TMEM132C: variants seen among roughly 807,000 people sequenced by gnomAD.
TMEM132C encodes the protein protein phosphatase 1, regulatory subunit 152.
A neutral mutation model predicts 61.4 loss-of-function variants in TMEM132C; 29 were observed. The ratio of observed to expected loss-of-function variants is 0.47; its 90% CI spans 0.35 to 0.64. The LOEUF (loss-of-function observed/expected upper bound fraction) is 0.64, where lower values mean the gene tolerates loss of function less well. TMEM132C is among the 30% of genes least tolerant of loss of function. The pLI, the probability that TMEM132C is intolerant of heterozygous loss-of-function variation, is 0.00. For missense variants in TMEM132C, 1,408 were observed against 1,476.9 expected, an observed-to-expected ratio of 0.95 and a Z score of 0.76; for synonymous variants, 656 against 633.1, an observed-to-expected ratio of 1.04 and a Z score of -0.54.
At position 128,498,354 on chromosome 12, in the gene TMEM132C, C is replaced by T. The variant is rs141137607; in HGVS notation, c.975-45603C>T. On this transcript the variant is annotated intron_variant, in intron 2 of 8. Coordinates refer to ENST00000435159, the MANE Select transcript of TMEM132C (RefSeq NM_001136103.3). The stretch of plus-strand genomic sequence containing the variant: ...GAAGAAGTAAAACTGTCTCTATGTG[C>T]CAATGACGTGATGTTCTATATAAAA... Among the ~76,000 whole-genome samples the T allele has an allele frequency of 8.5e-4, 127 of 149,506 alleles. 1 individual carries two copies. The highest frequency in any genetic ancestry group is 2.9e-3 in the African/African-American group (119 of 40,864).
At chr12:128,329,972 A>G (rs767506833) in intron 1 of TMEM132C, among the ~76,000 whole-genome samples, 2 of 152,216 alleles carry the variant, frequency 1.3e-5, no homozygotes, top group East Asian at 3.9e-4. Flanking sequence ...CCATGTGTAC[A>G]TGTGTATTTC....
chr12:128,622,343 C>CAA (rs71069584), intron 4 of TMEM132C, among the ~76,000 whole-genome samples: 399 of 16,042 alleles, frequency 0.025, 56 homozygotes, highest in East Asian at 0.13. Context: ...GACTTTGTCT[C>CAA]AAAAAAAAAA....
intron 2 of TMEM132C, among the ~76,000 whole-genome samples, chr12:128,455,832 G>A (rs943617468): frequency 2.0e-5 from 3 of 152,190 alleles, no homozygotes; most frequent in Admixed American, 6.5e-5. Flanking sequence ...GAGCCCGGGG[G>A]TAGATTGGCT....
At chr12:128,281,982 T>G (rs1482694202) in intron 1 of TMEM132C, among the ~76,000 whole-genome samples, 8 of 152,246 alleles carry the variant, frequency 5.3e-5, no homozygotes, top group Admixed American at 5.2e-4. Context: ...TCTTTCCTCC[T>G]GAGGCTGACA....
intron 2 of TMEM132C, among the ~76,000 whole-genome samples, chr12:128,452,215 C>A (rs2136058789): frequency 1.3e-5 from 2 of 152,088 alleles, no homozygotes; most frequent in South Asian, 4.2e-4. Flanking sequence ...TCACCTCAGG[C>A]TCCCGAGTAA....
At chr12:128,378,318 A>T (rs977920329) in intron 1 of TMEM132C, among the ~76,000 whole-genome samples, 1 of 151,858 alleles carries the variant, frequency 6.6e-6, no homozygotes, top group Non-Finnish European at 1.5e-5. Flanking sequence ...GGGTTTGACC[A>T]TGTTAGCCAG....
intron 5 of TMEM132C, among the ~76,000 whole-genome samples, chr12:128,690,464 G>A (rs1954711453): frequency 6.6e-6 from 1 of 152,132 alleles, no homozygotes. Context: ...GCTCTATCAT[G>A]CACGGCTACT....
intron 1 of TMEM132C, among the ~76,000 whole-genome samples, chr12:128,310,282 C>T (rs142108922): frequency 0.012 from 1,829 of 152,214 alleles, 41 homozygotes; most frequent in African/African-American, 0.042. Flanking sequence ...GGATTGGTGG[C>T]TACCAGAGGC....
rs1351844484 is a variant in TMEM132C at position 128,512,137 on chromosome 12, A to T, written c.975-31820A>T. On this transcript the variant is annotated intron_variant, in intron 2 of 8. Coordinates refer to ENST00000435159, the MANE Select transcript of TMEM132C (RefSeq NM_001136103.3). The stretch of plus-strand genomic sequence containing the variant: ...ATGTCATTATTCCTTAGAAAGCAAA[A>T]TAAAGCTCAAAAATCATAACAATTA... Among the ~76,000 whole-genome samples, 42 of 152,164 alleles carry T rather than the reference A, an allele frequency of 2.8e-4. 1 individual carries two copies. Among genetic ancestry groups the T allele is most frequent in the Admixed American group, 2.7e-3 (42 of 15,282 alleles).
intron 3 of TMEM132C, among the ~76,000 whole-genome samples, chr12:128,597,949 G>A (rs75805448): frequency 0.057 from 8,616 of 152,246 alleles, 845 homozygotes; most frequent in African/African-American, 0.2. Flanking sequence ...TAGCTGGAGC[G>A]TAGTGATCAA....
chr12:128,576,834 T>C (rs926470324), intron 3 of TMEM132C, among the ~76,000 whole-genome samples: 4 of 152,238 alleles, frequency 2.6e-5, no homozygotes, highest in African/African-American at 9.6e-5. Flanking sequence ...ATCTTTTTCA[T>C]TTTGCTGGCA....
At chr12:128,505,169 G>A (rs749997974) in intron 2 of TMEM132C, among the ~76,000 whole-genome samples, 11 of 152,126 alleles carry the variant, frequency 7.2e-5, no homozygotes, top group Non-Finnish European at 1.6e-4. Context: ...GAAGGAGATG[G>A]TTGGCTCCCA....
chr12:128,642,810 G>T (rs560139426), intron 4 of TMEM132C, among the ~76,000 whole-genome samples: 1 of 152,200 alleles, frequency 6.6e-6, no homozygotes, highest in Non-Finnish European at 1.5e-5. Flanking sequence ...GGCACAGAAC[G>T]GTTAAGTAAT....
intron 5 of TMEM132C, among the ~76,000 whole-genome samples, chr12:128,680,039 G>A (rs1289506395): frequency 1.3e-5 from 2 of 152,158 alleles, no homozygotes; most frequent in African/African-American, 4.8e-5. Flanking sequence ...AGGAACAAAA[G>A]AACAGCCAGG....
chr12:128,470,470 C>T (rs946730714), intron 2 of TMEM132C, among the ~76,000 whole-genome samples: 3 of 152,276 alleles, frequency 2.0e-5, no homozygotes, highest in African/African-American at 7.2e-5. Context: ...ACCTCTCGGT[C>T]TTGGTAGGAG....
intron 1 of TMEM132C, among the ~76,000 whole-genome samples, chr12:128,368,785 C>T (rs986095666): frequency 2.6e-5 from 4 of 152,162 alleles, no homozygotes; most frequent in Non-Finnish European, 4.4e-5. Flanking sequence ...CAAGCACTGC[C>T]AGCCCATTCC....
At chr12:128,636,499 C>A (rs1435078219) in intron 4 of TMEM132C, among the ~76,000 whole-genome samples, 1 of 152,060 alleles carries the variant, frequency 6.6e-6, no homozygotes, top group African/African-American at 2.4e-5. Context: ...GAAGACCCGT[C>A]ACCTCCCAAA....
chr12:128,529,573 C>G (rs1305542831), intron 2 of TMEM132C, among the ~76,000 whole-genome samples: 2 of 152,132 alleles, frequency 1.3e-5, no homozygotes, highest in African/African-American at 2.4e-5. Flanking sequence ...CACCTGAGGT[C>G]AGGAGTTTGA....
At chr12:128,322,744 C>A (rs1262606734) in intron 1 of TMEM132C, among the ~76,000 whole-genome samples, 1 of 152,120 alleles carries the variant, frequency 6.6e-6, no homozygotes, top group Non-Finnish European at 1.5e-5. Flanking sequence ...ATTTTGTGCA[C>A]CAATTATATG....
Sources: allele counts gnomAD v4.1 joint callset (sites outside exome capture counted in the v4.1 genomes callset), GRCh38; gene constraint gnomAD v4.1.1; transcripts MANE v1.5; gene names NCBI Gene and HGNC (gene_info 2026-07-23, HGNC 2026-07-21).